The following HSF4 variants were observed in gnomAD, a reference collection of about 807,000 sequenced individuals.
The protein encoded by HSF4 is heat shock transcription factor 4.
Under a neutral mutation model 52.0 loss-of-function variants are expected in HSF4, and 41 were observed. The ratio of observed to expected loss-of-function variants is 0.79; its 90% CI spans 0.61 to 1.02. The LOEUF (loss-of-function observed/expected upper bound fraction) is 1.02. HSF4 is among the 50% of genes least tolerant of loss of function. The pLI is 0.00. For missense variants in HSF4, 610 were observed against 651.1 expected (o/e 0.94, Z 0.69); for synonymous variants, 285 against 273.0 (o/e 1.04, Z -0.43).
In HSF4 at chr16:67,165,030, C is replaced by T. The variant is rs150482366; in HGVS notation, c.123+96C>T. On this transcript the variant is annotated intron_variant, in intron 1 of 12. Coordinates refer to ENST00000521374, the MANE Select transcript of HSF4 (RefSeq NM_001374675.1). This position sits in a 1 kb window ranked among gnomAD's most constrained non-coding sequence, Gnocchi z 6.9. ...GCCCAACCCCCTCCTGAGACTGGGC[C>T]GTGGATCCCCGGATTTGGCCATTCA... The T allele has an allele frequency of 2.1e-3, 2,800 of 1,309,090 alleles. 6 individuals carry two copies. Among genetic ancestry groups the T allele is most frequent in the Non-Finnish European group, 2.7e-3 (2,590 of 974,164 alleles). The allele number at this position is 1,309,090 out of a possible 1,614,324, so 81.1% of individuals were successfully genotyped here.
In HSF4 at chr16:67,165,149, A is replaced by G. The variant is rs2031156160; in HGVS notation, c.123+215A>G. 3.3e-6 allele frequency: 2 copies of G among 612,938 alleles called. No individual in the cohort carries two copies. Among genetic ancestry groups the G allele is most frequent in the Admixed American group, 6.0e-5 (2 of 33,508 alleles). The allele number at this position is 612,938 out of a possible 1,614,324, so 38.0% of individuals were successfully genotyped here. On this transcript the variant is annotated intron_variant, in intron 1 of 12. Transcript: ENST00000521374. This position sits in a 1 kb window ranked among gnomAD's most constrained non-coding sequence, Gnocchi z 6.9. The stretch of plus-strand genomic sequence containing the variant: ...CTGCCTTCTGAAGACCTAGAGTCCG[A>G]GGGACCTTCGAGGCCATTTAGTTCC...
In HSF4 at chr16:67,166,736, C is replaced by T. The variant is rs554547526; in HGVS notation, c.626+114C>T. The T allele has an allele frequency of 9.1e-6, 9 of 991,484 alleles. No homozygotes were observed. The African/African-American group carries it at 1.1e-4, about 12-fold the overall frequency. 61.4% of individuals were successfully genotyped at this position (991,484 alleles called of 1,614,324 possible). A position where few individuals can be genotyped will look rare whatever the true frequency, so the allele number is the denominator to read the frequency against. ...TTCACCGGGAATCCTCATTCCTCCCCCTGCGCTACAGGCTTCCTCACCCCA... is the reference window on the plus strand; with the variant it reads ...TTCACCGGGAATCCTCATTCCTCCCTCTGCGCTACAGGCTTCCTCACCCCA... On this transcript the variant is annotated intron_variant, in intron 6 of 12. Transcript: ENST00000521374.
upstream of HSF4, chr16:67,164,226 A>G (rs1388053143): frequency 4.7e-5 from 21 of 451,574 alleles, no homozygotes; most frequent in Non-Finnish European, 8.5e-5. Context: ...AGGACAGGGA[A>G]CGCGCGGGGT....
rs747926148 is a variant in HSF4 at position 67,164,877 on chromosome 16, C to T, written c.66C>T (p.Gly22=). Residue 22 remains glycine, a synonymous_variant, in exon 1 of 13, where the codon GGC becomes GGT. Transcript: ENST00000521374. ...CCAGCCCCGTGCCTGCCTTCCTCGG[C>T]AAGCTATGGGCGCTGGTGGGGGACC... The part of the protein sequence containing the change: ...PGPSPVPAFL[G]KLWALVGDPG... 8 of 1,607,708 alleles carry T rather than the reference C, an allele frequency of 5.0e-6. No individual in the cohort carries two copies. The highest frequency in any genetic ancestry group is 3.3e-5 in the Admixed American group (2 of 59,746).
chr16:67,168,881 C>T lies in HSF4; in HGVS notation c.1133C>T (p.Pro378Leu), dbSNP rs1305660870. ...GACAGGAGCCCAGAGAGTCTGCTGC[C>T]TCCGATGCTGCTTCAGCCCCCTCAA... is the stretch of plus-strand genomic sequence containing the variant. ...SGDRSPESLLPPMLLQPPQES... is the reference protein window; with the variant it reads ...SGDRSPESLLLPMLLQPPQES... The change falls in exon 10 of 13, where the codon CCT becomes CTT. Residue 378 changes from proline to leucine, a missense_variant. By Grantham distance (98) the Pro-to-Leu change is moderately conservative. Coordinates refer to ENST00000521374, the MANE Select transcript of HSF4 (RefSeq NM_001374675.1). 1.9e-6 allele frequency: 3 copies of T among 1,613,930 alleles called. No individual in the cohort carries two copies. Among genetic ancestry groups the T allele is most frequent in the African/African-American group, 1.3e-5 (1 of 74,922 alleles).
intron 7 of HSF4, 81 bp from the exon 8 acceptor site, chr16:67,167,394 C>T: frequency 1.9e-6 from 3 of 1,612,582 alleles, no homozygotes; most frequent in Non-Finnish European, 2.5e-6. Context: ...TCCCTTAGAC[C>T]TGGCCCAGGT....
At position 67,169,561 on chromosome 16, in the gene HSF4, C is replaced by A; in HGVS notation, c.1325-70C>A. On this transcript the variant is annotated intron_variant, in intron 12 of 12. Transcript: ENST00000521374. The surrounding 1 kb of genome is among the most constrained non-coding windows in gnomAD (Gnocchi z 4.3). ...CCTAACTGAGCAGAAGGCAGGCGGG[C>A]AGGGCTCTCCTTCCCTGAAGAAAGG... 6.3e-7 allele frequency: 1 copy of A among 1,598,912 alleles called. No homozygotes were observed. Among genetic ancestry groups the A allele is most frequent in the Non-Finnish European group, 8.5e-7 (1 of 1,179,488 alleles).
chr16:67,168,875 T>C lies in HSF4; in HGVS notation c.1127T>C (p.Leu376Pro), dbSNP rs373962350. The C allele has an allele frequency of 8.1e-5, 131 of 1,613,892 alleles. No homozygotes were observed. The Middle Eastern group carries it at 8.2e-4, about 10-fold the overall frequency. ...AGCGGGGACAGGAGCCCAGAGAGTC[T>C]GCTGCCTCCGATGCTGCTTCAGCCC... ...LESGDRSPESLLPPMLLQPPQ... is the reference protein window; with the variant it reads ...LESGDRSPESPLPPMLLQPPQ... Residue 376 changes from leucine (L) to proline (P), a missense_variant, in exon 10 of 13, where the codon CTG (leucine) becomes CCG (proline). Leu to Pro is a moderately conservative substitution (Grantham distance 98, BLOSUM62 -3). Coordinates refer to ENST00000521374, the MANE Select transcript of HSF4 (RefSeq NM_001374675.1).
At position 67,169,133 on chromosome 16, in the gene HSF4, G is replaced by A. The variant is rs1266339212; in HGVS notation, c.1254+32G>A. The A allele has an allele frequency of 2.5e-6, 4 of 1,609,408 alleles. No homozygotes were observed. Among genetic ancestry groups the A allele is most frequent in the Non-Finnish European group, 3.4e-6 (4 of 1,178,992 alleles). On this transcript the variant is annotated intron_variant, in intron 11 of 12. Transcript: ENST00000521374. The surrounding 1 kb of genome is among the most constrained non-coding windows in gnomAD (Gnocchi z 4.3). ...AGTGGGTCGGGGAGGGCAGAGGCCAGGGGTGGCTGAGTCAAGCCCTCTGGT... is the reference window on the plus strand; with the variant it reads ...AGTGGGTCGGGGAGGGCAGAGGCCAAGGGTGGCTGAGTCAAGCCCTCTGGT...
Position 67,169,725 on chromosome 16 carries a change from T to C in HSF4, c.1419T>C (p.Tyr473=), listed in dbSNP as rs772967770. The change falls in exon 13 of 13, where the codon TAT becomes TAC. Residue 473 remains tyrosine, a synonymous_variant. Coordinates refer to ENST00000521374, the MANE Select transcript of HSF4 (RefSeq NM_001374675.1). This position sits in a 1 kb window ranked among gnomAD's most constrained non-coding sequence, Gnocchi z 4.3. ...GCCTGCCTGGGGCTTTAACCATTTA[T>C]AGCACTCCTGAGAGCCGGACTGCCT... ...ALGLPGALTI[Y]STPESRTASY... 6.2e-7 allele frequency: 1 copy of C among 1,612,938 alleles called. No individual in the cohort carries two copies. The highest frequency in any genetic ancestry group is 8.5e-7 in the Non-Finnish European group (1 of 1,179,954).
chr16:67,163,876 G>GT (rs2031046911), upstream of HSF4: 2 of 1,527,272 alleles, frequency 1.3e-6, no homozygotes, highest in Non-Finnish European at 8.7e-7. Context: ...GAGGGAACGG[G>GT]GGGGGTGTCC....
upstream of HSF4, chr16:67,163,874 G>GGGGT (rs2031046729): frequency 7.3e-7 from 1 of 1,367,318 alleles, no homozygotes; most frequent in African/African-American, 3.3e-5. Context: ...GAGAGGGAAC[G>GGGGT]GGGGGGGTGT....
At position 67,164,786 on chromosome 16, in the gene HSF4, G is replaced by T; in HGVS notation, c.-26G>T. On this transcript the variant is annotated 5_prime_UTR_variant, in exon 1 of 13. Coordinates refer to ENST00000521374, the MANE Select transcript of HSF4 (RefSeq NM_001374675.1). ...ACGAGCCCGCAGCGGCCGGGCCCGA[G>T]CGCAGAGCCGGGCCGAGACTGCACC... is the stretch of plus-strand genomic sequence containing the variant. The T allele has an allele frequency of 6.3e-7, 1 of 1,580,718 alleles. No individual in the cohort carries two copies. The highest frequency in any genetic ancestry group is 1.7e-5 in the Admixed American group (1 of 58,504).
chr16:67,165,642 C>A lies in HSF4; in HGVS notation c.232+12C>A, dbSNP rs112061587. 1 of 1,612,764 alleles carries A rather than the reference C, an allele frequency of 6.2e-7. No homozygotes were observed. Among genetic ancestry groups the A allele is most frequent in the Non-Finnish European group, 8.5e-7 (1 of 1,179,828 alleles). On this transcript the variant is annotated intron_variant, in intron 2 of 12. Transcript: ENST00000521374. This position sits in a 1 kb window ranked among gnomAD's most constrained non-coding sequence, Gnocchi z 6.9. ...CCAACTCAACATGTGTGAGTCCCTA[C>A]GGCCGGGCGGGGAGCGGGGATGGGG...
At position 67,169,329 on chromosome 16, in the gene HSF4, G is replaced by A; in HGVS notation, c.1305G>A (p.Gly435=). 3 of 1,613,650 alleles carry A rather than the reference G, an allele frequency of 1.9e-6. No homozygotes were observed. Among genetic ancestry groups the A allele is most frequent in the Non-Finnish European group, 2.5e-6 (3 of 1,179,938 alleles). Residue 435 remains glycine (G), a synonymous_variant, in exon 12 of 13, where the codon GGG becomes GGA. Coordinates refer to ENST00000521374, the MANE Select transcript of HSF4 (RefSeq NM_001374675.1). The surrounding 1 kb of genome is among the most constrained non-coding windows in gnomAD (Gnocchi z 4.3). ...GTGAGCCTGAGCTGGCGGTCAAGGG[G>A]TTAAATTCTCCAAGCCCAGGTAATG... ...ERGEPELAVK[G]LNSPSPGKDP...
intron 9 of HSF4, among the ~76,000 whole-genome samples, 194 bp from the exon 10 acceptor site, chr16:67,168,637 C>G (rs988444443): frequency 1.4e-4 from 22 of 152,178 alleles, no homozygotes; most frequent in African/African-American, 5.3e-4. Context: ...AACTTCAGGT[C>G]CCAGGTAGGA....
chr16:67,167,058 G>C (rs2031356919), intron 6 of HSF4, 62 bp from the exon 7 acceptor site: 1 of 1,612,390 alleles, frequency 6.2e-7, no homozygotes, highest in Non-Finnish European at 8.5e-7. Context: ...GGGAAGTGCA[G>C]GCCGAGGTGC....
Position 67,167,911 on chromosome 16 carries a change from A to G in HSF4, c.1046A>G (p.Gln349Arg). ...CCCGAGGGGCCCAGGAATGCCCAAC[A>G]GCCTGAACCAGGGGATCCCAGGGAG... ...FSPEGPRNAQQPEPGDPREIP... is the reference protein window; with the variant it reads ...FSPEGPRNAQRPEPGDPREIP... The change falls in exon 9 of 13, where the codon CAG (glutamine) becomes CGG (arginine). Residue 349 changes from glutamine (Q) to arginine (R), a missense_variant. Transcript: ENST00000521374. 1.9e-6 allele frequency: 3 copies of G among 1,602,234 alleles called. No homozygotes were observed. Among genetic ancestry groups the G allele is most frequent in the Non-Finnish European group, 2.5e-6 (3 of 1,177,574 alleles).
intron 7 of HSF4, 23 bp from the exon 8 acceptor site, chr16:67,167,452 T>C: frequency 6.2e-7 from 1 of 1,613,850 alleles, no homozygotes; most frequent in African/African-American, 1.3e-5. Flanking sequence ...GGCCAAGGGC[T>C]GGGCCTAGCC....
Sources: gnomAD v4.1 joint callset for allele counts (sites outside exome capture counted in the v4.1 genomes callset) on GRCh38, gnomAD v4.1.1 for gene constraint, Gnocchi (gnomAD v3.1) non-coding constraint, MANE v1.5 for transcripts, NCBI Gene and HGNC (gene_info 2026-07-23, HGNC 2026-07-21) for gene names.